Variants in KCNH7 observed in about 807,000 individuals in gnomAD.
KCNH7 encodes the protein potassium voltage-gated channel subfamily H member 7, also known as voltage-gated inwardly rectifying potassium channel KCNH7.
In KCNH7, 49 loss-of-function variants were observed where a neutral mutation model predicts 120.8. The observed-to-expected ratio is 0.41, with a 90% CI of 0.32 to 0.51. The LOEUF (loss-of-function observed/expected upper bound fraction) is 0.51. Ranked by LOEUF, KCNH7 falls within the 20% of genes least tolerant of loss-of-function variation. KCNH7 has a pLI of 0.38. For missense variants in KCNH7, 1,097 were observed against 1,446.6 expected (o/e 0.76, Z 3.92); for synonymous variants, 547 against 516.1 (o/e 1.06, Z -0.81).
intron 2 of KCNH7, among the ~76,000 whole-genome samples, chr2:162,623,794 A>G (rs1172161242): frequency 6.6e-6 from 1 of 152,202 alleles, no homozygotes; most frequent in Middle Eastern, 3.2e-3. Context: ...CACATGATAT[A>G]TCTTAGCTAA....
intron 14 of KCNH7, among the ~76,000 whole-genome samples, chr2:162,378,847 C>G (rs536078952): frequency 1.3e-5 from 2 of 152,172 alleles, no homozygotes; most frequent in African/African-American, 4.8e-5. Flanking sequence ...TATACTATAC[C>G]TTGTATCCTT....
intron 2 of KCNH7, among the ~76,000 whole-genome samples, chr2:162,793,353 C>T (rs370055689): frequency 1.9e-4 from 29 of 151,894 alleles, no homozygotes; most frequent in African/African-American, 6.3e-4. Context: ...GTGTACTAGG[C>T]TTAATACCTG....
At chr2:162,758,605 G>A (rs566069521) in intron 2 of KCNH7, among the ~76,000 whole-genome samples, 8 of 151,790 alleles carry the variant, frequency 5.3e-5, no homozygotes, top group Admixed American at 2.0e-4. Context: ...ACATATACAT[G>A]TATATATACA....
chr2:162,819,778 A>G (rs999459088), intron 2 of KCNH7, among the ~76,000 whole-genome samples: 2 of 152,216 alleles, frequency 1.3e-5, no homozygotes, highest in African/African-American at 4.8e-5. Flanking sequence ...TCCTAAACTA[A>G]GAGTATAATG....
At chr2:162,472,874 T>C (rs1227425332) in intron 6 of KCNH7, among the ~76,000 whole-genome samples, 1 of 152,010 alleles carries the variant, frequency 6.6e-6, no homozygotes, top group Non-Finnish European at 1.5e-5. Flanking sequence ...ATTAAGAAAA[T>C]GTGGCATATA....
intron 2 of KCNH7, among the ~76,000 whole-genome samples, chr2:162,686,582 C>T (rs867841368): frequency 2.0e-5 from 3 of 152,082 alleles, no homozygotes; most frequent in African/African-American, 7.2e-5. Context: ...CAAATTAGTT[C>T]AGCCTTTAGA....
chr2:162,574,117 C>A (rs1028837701), intron 2 of KCNH7, among the ~76,000 whole-genome samples: 9 of 151,978 alleles, frequency 5.9e-5, no homozygotes, highest in Admixed American at 5.9e-4. Context: ...ATCCATTGAA[C>A]AAATTTATAC....
At chr2:162,408,859 GA>G (rs1288069241) in intron 9 of KCNH7, among the ~76,000 whole-genome samples, 2 of 151,716 alleles carry the variant, frequency 1.3e-5, no homozygotes, top group African/African-American at 2.4e-5. Flanking sequence ...TAGAAATTAA[GA>G]ACAATACTCG....
chr2:162,537,329 T>C (rs1182005299), intron 2 of KCNH7, among the ~76,000 whole-genome samples: 1 of 152,010 alleles, frequency 6.6e-6, no homozygotes, highest in Non-Finnish European at 1.5e-5. Flanking sequence ...AAATATCAAA[T>C]TCTATTTGCT....
At chr2:162,663,793 A>G (rs1418365167) in intron 2 of KCNH7, among the ~76,000 whole-genome samples, 1 of 152,164 alleles carries the variant, frequency 6.6e-6, no homozygotes, top group East Asian at 1.9e-4. Flanking sequence ...TCAATGTAAA[A>G]CACTCATTAC....
At chr2:162,732,137 AGTGGGCAAATTCTAGGACG>A (rs1410966112) in intron 2 of KCNH7, among the ~76,000 whole-genome samples, 13 of 152,122 alleles carry the variant, frequency 8.5e-5, no homozygotes, top group Middle Eastern at 3.4e-3. Flanking sequence ...ATGCACTGGC[AGTGGGCAAATTCTAGGACG>A]ATTTAGAGGG....
At chr2:162,599,176 G>T (rs1694471836) in intron 2 of KCNH7, among the ~76,000 whole-genome samples, 1 of 151,828 alleles carries the variant, frequency 6.6e-6, no homozygotes, top group Non-Finnish European at 1.5e-5. Flanking sequence ...CTGCACTCTA[G>T]CCTGGGCAAC....
Position 162,737,944 on chromosome 2 carries a change from A to G in KCNH7, c.307+98593T>C, listed in dbSNP as rs1383072782. Among the ~76,000 whole-genome samples, 3 of 151,978 alleles carry G rather than the reference A, an allele frequency of 2.0e-5. No homozygotes were observed. In the South Asian group the frequency reaches 6.2e-4, roughly 32 times the overall value. ...GCCACGTATGGTGGCGCATGCCTAT[A>G]ATCCCAGCTACTCTGGAAGCTGAGG... On this transcript the variant is annotated intron_variant, in intron 2 of 15. Transcript: ENST00000332142.
At chr2:162,550,324 C>T (rs965852254) in intron 2 of KCNH7, among the ~76,000 whole-genome samples, 78 of 152,258 alleles carry the variant, frequency 5.1e-4, no homozygotes, top group African/African-American at 1.8e-3. Flanking sequence ...CCTTCTCTTC[C>T]TCCTCAGAAT....
intron 13 of KCNH7, among the ~76,000 whole-genome samples, chr2:162,382,116 G>A (rs1686436685): frequency 6.6e-6 from 1 of 152,140 alleles, no homozygotes; most frequent in Admixed American, 6.6e-5. Context: ...ATGTTTAACA[G>A]CTCTCTTCTT....
Position 162,624,883 on chromosome 2 carries a change from C to T in KCNH7, c.308-87803G>A, listed in dbSNP as rs1444781520. On this transcript the variant is annotated intron_variant, in intron 2 of 15. Transcript: ENST00000332142. ...AAGGAGCATGGTGGTTAAACGTGCA[C>T]TCTTGGTTTTTTTTTTTTTTTTTTT... Among the ~76,000 whole-genome samples the T allele has an allele frequency of 2.8e-5, 4 of 144,144 alleles. No individual in the cohort carries two copies. In the Admixed American group the frequency reaches 2.8e-4, roughly 10 times the overall value. The allele number at this position is 144,144 out of a possible 152,430, so 94.6% of individuals were successfully genotyped here. A position where few individuals can be genotyped will look rare whatever the true frequency, so the allele number is the denominator to read the frequency against.
At chr2:162,460,093 CAAA>C (rs575038181) in intron 6 of KCNH7, among the ~76,000 whole-genome samples, 20 of 47,930 alleles carry the variant, frequency 4.2e-4, no homozygotes, top group African/African-American at 1.1e-3. Flanking sequence ...GACTCCATCT[CAAA>C]AAAAAAAAAA....
intron 6 of KCNH7, among the ~76,000 whole-genome samples, chr2:162,448,791 T>A (rs1305614791): frequency 6.6e-6 from 1 of 152,000 alleles, no homozygotes; most frequent in Non-Finnish European, 1.5e-5. Context: ...AGCTGGAGAT[T>A]GAAAGATGGG....
chr2:162,414,560 C>T (rs1455952076), intron 9 of KCNH7, among the ~76,000 whole-genome samples: 1 of 151,586 alleles, frequency 6.6e-6, no homozygotes. Context: ...AAGGGAGAAA[C>T]ATGGACTGCA....
Sources: allele counts gnomAD v4.1 joint callset (sites outside exome capture counted in the v4.1 genomes callset), GRCh38; gene constraint gnomAD v4.1.1; transcripts MANE v1.5; gene names NCBI Gene and HGNC (gene_info 2026-07-23, HGNC 2026-07-21).